FOXP1: variants seen among roughly 807,000 people sequenced by gnomAD.
FOXP1 encodes forkhead box P1, also known as forkhead box protein P1.
In FOXP1, 15 loss-of-function variants were observed where a neutral mutation model predicts 98.2. The observed-to-expected ratio is 0.15, with a 90% confidence interval of 0.10 to 0.24. The LOEUF (loss-of-function observed/expected upper bound fraction) is 0.24, where lower values mean the gene tolerates loss of function less well. Among genes scored for constraint, FOXP1 ranks in the 10% least tolerant of loss-of-function variants. The probability of loss-of-function intolerance (pLI) is 1.00; values close to 1 mark genes in which losing one functional copy is unlikely to be tolerated. For synonymous variants in FOXP1, 371 were observed against 314.5 expected (o/e 1.18, Z -1.90); for missense variants, 633 against 848.5 (o/e 0.75, Z 3.15).
chr3:71,044,589 G>A (rs542689221), intron 10 of FOXP1, among the ~76,000 whole-genome samples: 20 of 152,270 alleles, frequency 1.3e-4, no homozygotes, highest in Admixed American at 4.6e-4. Flanking sequence ...ACATGTTTAA[G>A]GTTAACTCGG....
intron 4 of FOXP1, among the ~76,000 whole-genome samples, chr3:71,314,632 T>G (rs2074947526): frequency 6.6e-6 from 1 of 151,954 alleles, no homozygotes; most frequent in Non-Finnish European, 1.5e-5. Context: ...AACATAGTGC[T>G]AAAATAAAAT....
chr3:71,234,448 T>A (rs1219877807), intron 5 of FOXP1, among the ~76,000 whole-genome samples: 1 of 152,084 alleles, frequency 6.6e-6, no homozygotes, highest in African/African-American at 2.4e-5. Flanking sequence ...GACAATAAAA[T>A]ATGGGTGAGT....
At chr3:71,363,112 G>A (rs952066808) in intron 3 of FOXP1, among the ~76,000 whole-genome samples, 6 of 148,958 alleles carry the variant, frequency 4.0e-5, no homozygotes, top group African/African-American at 1.5e-4. Context: ...TAATCATGAT[G>A]TAAATGAATA....
At chr3:71,250,634 G>C (rs1355020007) in intron 5 of FOXP1, among the ~76,000 whole-genome samples, 1 of 152,164 alleles carries the variant, frequency 6.6e-6, no homozygotes, top group Non-Finnish European at 1.5e-5. Flanking sequence ...CTCTAAAATT[G>C]AAAGTGTTTT....
At chr3:71,496,184 G>A (rs2091393473) in intron 2 of FOXP1, among the ~76,000 whole-genome samples, 1 of 152,186 alleles carries the variant, frequency 6.6e-6, no homozygotes, top group Non-Finnish European at 1.5e-5. Context: ...GCAAAGGATG[G>A]ATGAGGTCAT....
At chr3:71,134,329 A>G (rs955092672) in intron 6 of FOXP1, among the ~76,000 whole-genome samples, 9 of 152,226 alleles carry the variant, frequency 5.9e-5, no homozygotes, top group African/African-American at 1.7e-4. Context: ...ACAGGGCACA[A>G]ATGTAACCAA....
chr3:71,296,650 G>A (rs1018703688), intron 5 of FOXP1: 7 of 152,164 alleles, frequency 4.6e-5, no homozygotes, highest in African/African-American at 1.7e-4. Context: ...ACTTGGAATA[G>A]GAATACTGAA....
In FOXP1 at chr3:71,023,571, A is replaced by G. The variant is rs541603419; in HGVS notation, c.870-7918T>C. 4.6e-5 allele frequency among the ~76,000 whole-genome samples: 7 copies of G among 152,314 alleles called. No homozygotes were observed. The South Asian group carries it at 1.4e-3, about 32-fold the overall frequency. On this transcript the variant is annotated intron_variant, in intron 11 of 20. Transcript: ENST00000649528. ...CTGATTCTTCAATGACAGCTTATAC[A>G]AAATGATCCTACTTTCCCTTTTCTC...
chr3:71,216,448 T>C (rs1379192605), intron 5 of FOXP1, among the ~76,000 whole-genome samples: 1 of 152,204 alleles, frequency 6.6e-6, no homozygotes, highest in African/African-American at 2.4e-5. Flanking sequence ...AACAGAATGG[T>C]TGATTTGAAT....
At chr3:71,284,607 G>A (rs184119202) in intron 5 of FOXP1, among the ~76,000 whole-genome samples, 5 of 152,100 alleles carry the variant, frequency 3.3e-5, no homozygotes, top group East Asian at 3.9e-4. Flanking sequence ...CAACTGCAAC[G>A]TTATTACAGG....
At chr3:71,312,804 G>A (rs1427626758) in intron 4 of FOXP1, among the ~76,000 whole-genome samples, 3 of 147,718 alleles carry the variant, frequency 2.0e-5, no homozygotes, top group Non-Finnish European at 3.0e-5. Context: ...TGGCCAACAC[G>A]GTGAAACCTT....
chr3:71,195,249 T>C (rs1314846733), intron 6 of FOXP1, among the ~76,000 whole-genome samples: 3 of 152,228 alleles, frequency 2.0e-5, no homozygotes, highest in Admixed American at 6.5e-5. Context: ...CAAAACTCAC[T>C]ATGGAACTAG....
intron 12 of FOXP1, among the ~76,000 whole-genome samples, chr3:71,006,854 T>A (rs2042873284): frequency 6.6e-6 from 1 of 152,176 alleles, no homozygotes; most frequent in Admixed American, 6.5e-5. Context: ...CAAGAAAAAT[T>A]TAAATTTAAT....
At chr3:71,062,604 A>G (rs1334080659) in intron 7 of FOXP1, among the ~76,000 whole-genome samples, 1 of 152,222 alleles carries the variant, frequency 6.6e-6, no homozygotes, top group Admixed American at 6.5e-5. Context: ...CATGCTTACA[A>G]GTTTCCTTTA....
At chr3:71,461,974 T>C (rs537922290) in intron 3 of FOXP1, among the ~76,000 whole-genome samples, 7 of 152,110 alleles carry the variant, frequency 4.6e-5, no homozygotes, top group Non-Finnish European at 8.8e-5. Context: ...ACACTCCCTT[T>C]AGGCAGAGGG....
At chr3:70,973,862 T>A (rs1190717742) in intron 17 of FOXP1, among the ~76,000 whole-genome samples, 2 of 29,450 alleles carry the variant, frequency 6.8e-5, no homozygotes, top group Non-Finnish European at 1.3e-4. Flanking sequence ...CCCCAACACA[T>A]CCCATTCTGC....
intron 11 of FOXP1, among the ~76,000 whole-genome samples, chr3:71,026,133 T>A (rs558372593): frequency 1.3e-5 from 2 of 152,348 alleles, no homozygotes; most frequent in South Asian, 2.1e-4. Context: ...GAAAGCATAC[T>A]TTGAAGATTT....
intron 4 of FOXP1, among the ~76,000 whole-genome samples, chr3:71,351,071 C>G (rs543505797): frequency 5.8e-4 from 88 of 152,260 alleles, no homozygotes; most frequent in Middle Eastern, 3.4e-3. Flanking sequence ...TGCTAGAACT[C>G]TTAAGAAAAG....
chr3:71,219,654 A>G (rs2065206948), intron 5 of FOXP1, among the ~76,000 whole-genome samples: 1 of 152,378 alleles, frequency 6.6e-6, no homozygotes, highest in Admixed American at 6.5e-5. Flanking sequence ...ATATATTTTT[A>G]ATACTGATTA....
Sources: gnomAD v4.1 joint callset for allele counts (sites outside exome capture counted in the v4.1 genomes callset) on GRCh38, gnomAD v4.1.1 for gene constraint, MANE v1.5 for transcripts, NCBI Gene and HGNC (gene_info 2026-07-23, HGNC 2026-07-21) for gene names.